The following ZNF704 variants were observed in gnomAD, a reference collection of about 807,000 sequenced individuals.
ZNF704 encodes the protein zinc finger protein 704, also known as glucocorticoid induced gene 1.
Under a neutral mutation model 44.7 loss-of-function variants are expected in ZNF704, and 10 were observed. The ratio of observed to expected loss-of-function variants is 0.22; its 90% CI spans 0.14 to 0.38. The LOEUF is 0.38. ZNF704 is among the 10% of genes least tolerant of loss of function. ZNF704 has a pLI of 1.00. For synonymous variants in ZNF704, 211 were observed against 207.6 expected (o/e 1.02, Z -0.14); for missense variants, 390 against 545.5 (o/e 0.71, Z 2.84).
At chr8:80,850,982 T>C (rs1808849428) in intron 1 of ZNF704, among the ~76,000 whole-genome samples, 1 of 152,148 alleles carries the variant, frequency 6.6e-6, no homozygotes, top group Non-Finnish European at 1.5e-5. Flanking sequence ...AAATAAATAA[T>C]TAGACAATTT....
At chr8:80,849,674 G>C (rs942066840) in intron 1 of ZNF704, among the ~76,000 whole-genome samples, 3 of 152,194 alleles carry the variant, frequency 2.0e-5, no homozygotes, top group South Asian at 2.1e-4. Context: ...ATTTGCAAGA[G>C]AGTGAGTTCC....
intron 2 of ZNF704, among the ~76,000 whole-genome samples, chr8:80,711,993 G>A (rs1346474837): frequency 6.6e-6 from 1 of 152,142 alleles, no homozygotes; most frequent in African/African-American, 2.4e-5. Flanking sequence ...CTTAACAAAT[G>A]CTCTGCTATG....
intron 2 of ZNF704, among the ~76,000 whole-genome samples, chr8:80,701,250 A>C (rs1818805970): frequency 6.6e-6 from 1 of 152,000 alleles, no homozygotes; most frequent in Admixed American, 6.5e-5. Context: ...TCCTACCTGC[A>C]CTTGGCCTCA....
chr8:80,871,740 T>C (rs1038679437), intron 1 of ZNF704, among the ~76,000 whole-genome samples: 1 of 152,252 alleles, frequency 6.6e-6, no homozygotes, highest in African/African-American at 2.4e-5. Context: ...GTATATGCAT[T>C]ATAATAAAAT....
chr8:80,740,714 C>T (rs1211273088), intron 2 of ZNF704, among the ~76,000 whole-genome samples: 1 of 152,116 alleles, frequency 6.6e-6, no homozygotes, highest in Non-Finnish European at 1.5e-5. Flanking sequence ...CCTGTACATC[C>T]CAACTCTCAA....
At chr8:80,757,472 A>T (rs977359937) in intron 2 of ZNF704, among the ~76,000 whole-genome samples, 5 of 152,136 alleles carry the variant, frequency 3.3e-5, no homozygotes, top group Non-Finnish European at 7.4e-5. Context: ...AAAAAACCTT[A>T]AATGTTTATA....
chr8:80,789,448 GAGCATA>G (rs762253066), intron 2 of ZNF704, among the ~76,000 whole-genome samples: 3 of 152,110 alleles, frequency 2.0e-5, no homozygotes, highest in Non-Finnish European at 4.4e-5. Flanking sequence ...ACACTACAAA[GAGCATA>G]ACTAAAAATA....
At chr8:80,807,249 TGCCCAGAGGGTAGGA>T (rs1358451628) in intron 2 of ZNF704, among the ~76,000 whole-genome samples, 5 of 152,120 alleles carry the variant, frequency 3.3e-5, no homozygotes, top group African/African-American at 4.8e-5. Context: ...GTCTCTTGCT[TGCCCAGAGGGTAGGA>T]GATAAACCTG....
At chr8:80,734,567 C>A (rs1404920801) in intron 2 of ZNF704, among the ~76,000 whole-genome samples, 1 of 152,128 alleles carries the variant, frequency 6.6e-6, no homozygotes, top group African/African-American at 2.4e-5. Context: ...AGATGTGATG[C>A]TGTCACTTTA....
chr8:80,821,605 A>G lies in ZNF704; in HGVS notation c.-11T>C. On this transcript the variant is annotated 5_prime_UTR_variant, in exon 2 of 9. Transcript: ENST00000327835. The stretch of plus-strand genomic sequence containing the variant: ...AAATGTGAAGGTCATTTCCCGCTTA[A>G]TGCTCCCCACCTGTGAAATGAAACA... 1 of 1,612,536 alleles carries G rather than the reference A, an allele frequency of 6.2e-7. No individual in the cohort carries two copies. Among genetic ancestry groups the G allele is most frequent in the Non-Finnish European group, 8.5e-7 (1 of 1,179,064 alleles).
At chr8:80,712,788 ACT>A (rs1020838856) in intron 2 of ZNF704, among the ~76,000 whole-genome samples, 1 of 151,866 alleles carries the variant, frequency 6.6e-6, no homozygotes, top group African/African-American at 2.4e-5. Flanking sequence ...CAAGAGTGAA[ACT>A]CTGTGTCAAA....
intron 2 of ZNF704, among the ~76,000 whole-genome samples, chr8:80,747,154 C>T (rs1298712465): frequency 1.3e-5 from 2 of 152,008 alleles, no homozygotes; most frequent in African/African-American, 4.8e-5. Flanking sequence ...TCATATGGGA[C>T]CAATTCTGAC....
chr8:80,833,012 GATATTA>G, intron 1 of ZNF704, among the ~76,000 whole-genome samples: 1 of 152,230 alleles, frequency 6.6e-6, no homozygotes, highest in Middle Eastern at 3.4e-3. Context: ...AAGCAAAACT[GATATTA>G]ATAATAAAAA....
intron 2 of ZNF704, among the ~76,000 whole-genome samples, chr8:80,804,638 G>C (rs1807957205): frequency 6.6e-6 from 1 of 152,100 alleles, no homozygotes; most frequent in South Asian, 2.1e-4. Context: ...GAGAACACAT[G>C]GACACATGGT....
chr8:80,855,966 C>A (rs921087283), intron 1 of ZNF704, among the ~76,000 whole-genome samples: 1 of 152,068 alleles, frequency 6.6e-6, no homozygotes, highest in Admixed American at 6.6e-5. Flanking sequence ...AATGCCTGTT[C>A]AGTTCTTTTG....
intron 2 of ZNF704, among the ~76,000 whole-genome samples, chr8:80,753,819 A>G (rs1380661838): frequency 1.3e-5 from 2 of 152,212 alleles, no homozygotes; most frequent in Non-Finnish European, 2.9e-5. Flanking sequence ...AGTCAGCTAC[A>G]GGGTTGATGG....
intron 6 of ZNF704, among the ~76,000 whole-genome samples, chr8:80,659,934 G>T (rs1437148251): frequency 6.6e-6 from 1 of 152,128 alleles, no homozygotes; most frequent in Non-Finnish European, 1.5e-5. Flanking sequence ...TTTCTGAAAA[G>T]AAATTTTATT....
chr8:80,754,410 T>C (rs764819172), intron 2 of ZNF704, among the ~76,000 whole-genome samples: 6 of 152,158 alleles, frequency 3.9e-5, no homozygotes, highest in Admixed American at 6.5e-5. Context: ...CTGCTAAAAT[T>C]ATAACAGAAA....
At chr8:80,847,244 G>C (rs1808782561) in intron 1 of ZNF704, among the ~76,000 whole-genome samples, 1 of 151,910 alleles carries the variant, frequency 6.6e-6, no homozygotes, top group African/African-American at 2.4e-5. Context: ...TCAAAAAAGA[G>C]AAGTATTTAG....
Sources: allele counts gnomAD v4.1 joint callset (sites outside exome capture counted in the v4.1 genomes callset), GRCh38; gene constraint gnomAD v4.1.1; transcripts MANE v1.5; gene names NCBI Gene and HGNC (gene_info 2026-07-23, HGNC 2026-07-21).